SLC7A1: variants seen among roughly 807,000 people sequenced by gnomAD.
The protein encoded by SLC7A1 is high affinity cationic amino acid transporter 1.
In SLC7A1, 10 loss-of-function variants were observed where a neutral mutation model predicts 53.9. The ratio of observed to expected loss-of-function variants is 0.19; its 90% CI spans 0.11 to 0.31. SLC7A1 has a LOEUF of 0.31. SLC7A1 is among the 10% of genes least tolerant of loss of function. The pLI is 1.00. For missense variants in SLC7A1, 525 were observed against 827.2 expected, an observed-to-expected ratio of 0.63 and a Z score of 4.48; for synonymous variants, 342 against 338.7, an observed-to-expected ratio of 1.01 and a Z score of -0.11.
intron 5 of SLC7A1, among the ~76,000 whole-genome samples, chr13:29,526,902 A>G (rs1377316013): frequency 1.3e-5 from 2 of 152,166 alleles, no homozygotes; most frequent in African/African-American, 4.8e-5. Flanking sequence ...CCAACTCCAG[A>G]GCTGTGTGCA....
Position 29,513,108 on chromosome 13 carries a change from A to G in SLC7A1, c.*1372T>C, listed in dbSNP as rs1593535410. 1 of 152,090 alleles carries G rather than the reference A, an allele frequency of 6.6e-6. No individual in the cohort carries two copies. Among genetic ancestry groups the G allele is most frequent in the East Asian group, 1.9e-4 (1 of 5,158 alleles). 9.4% of individuals were successfully genotyped at this position (152,090 alleles called of 1,614,324 possible). A position where few individuals can be genotyped will look rare whatever the true frequency, so the allele number is the denominator to read the frequency against. On this transcript the variant is annotated 3_prime_UTR_variant, in exon 13 of 13. Transcript: ENST00000380752. The stretch of plus-strand genomic sequence containing the variant: ...CAGGTTTCCTCTGGCTCCCATCTAC[A>G]AGGAGTGTGTGTGAAATGGTGCTGG...
At chr13:29,532,798 G>T (rs770756632) in intron 4 of SLC7A1, 26 bp downstream of exon 4, 3 of 1,593,680 alleles carry the variant, frequency 1.9e-6, no homozygotes, top group Non-Finnish European at 1.7e-6. Context: ...ACTCTGACCC[G>T]ATCTCTTTTT....
intron 1 of SLC7A1, among the ~76,000 whole-genome samples, chr13:29,562,791 A>G (rs180982678): frequency 2.3e-3 from 354 of 152,356 alleles, no homozygotes; most frequent in Non-Finnish European, 4.2e-3. Context: ...CAATCTATAT[A>G]ATATTTGTGG....
chr13:29,557,005 A>C (rs979783956), intron 1 of SLC7A1, among the ~76,000 whole-genome samples: 2 of 152,278 alleles, frequency 1.3e-5, no homozygotes, highest in Admixed American at 1.3e-4. Flanking sequence ...ATGTTAAGCC[A>C]GGATGAACTC....
At chr13:29,543,896 G>A (rs1173416045) in intron 2 of SLC7A1, among the ~76,000 whole-genome samples, 2 of 152,136 alleles carry the variant, frequency 1.3e-5, no homozygotes, top group Non-Finnish European at 2.9e-5. Flanking sequence ...TCTACCACAG[G>A]TGCCATTCCT....
intron 9 of SLC7A1, among the ~76,000 whole-genome samples, chr13:29,519,044 C>T (rs367655461): frequency 6.6e-6 from 1 of 152,318 alleles, no homozygotes; most frequent in East Asian, 1.9e-4. Flanking sequence ...AAGCATTATG[C>T]TGAGCTGGGT....
At position 29,514,467 on chromosome 13, in the gene SLC7A1, G is replaced by T; in HGVS notation, c.*13C>A. 6.3e-7 allele frequency: 1 copy of T among 1,599,718 alleles called. No individual in the cohort carries two copies. ...TCGGGGCTGCTGCCACCTCCGGGGG[G>T]CGGGGCTGTGCGTCACTTGCACTGG... is the stretch of plus-strand genomic sequence containing the variant. On this transcript the variant is annotated 3_prime_UTR_variant, in exon 13 of 13. Transcript: ENST00000380752.
At chr13:29,555,927 C>A (rs1308908140) in intron 1 of SLC7A1, among the ~76,000 whole-genome samples, 1 of 152,122 alleles carries the variant, frequency 6.6e-6, no homozygotes, top group African/African-American at 2.4e-5. Context: ...CCTAAATGTG[C>A]AGACTGATTT....
At chr13:29,590,989 G>C (rs1207575249) in intron 1 of SLC7A1, among the ~76,000 whole-genome samples, 1 of 152,038 alleles carries the variant, frequency 6.6e-6, no homozygotes, top group East Asian at 1.9e-4. Flanking sequence ...ACACACCTAT[G>C]GTTCCAGGTA....
At chr13:29,571,006 A>G (rs922290866) in intron 1 of SLC7A1, among the ~76,000 whole-genome samples, 1 of 152,220 alleles carries the variant, frequency 6.6e-6, no homozygotes, top group Non-Finnish European at 1.5e-5. Flanking sequence ...TAACTATATT[A>G]CTATTATTAG....
At chr13:29,588,513 T>TC (rs1871981496) in intron 1 of SLC7A1, among the ~76,000 whole-genome samples, 1 of 151,036 alleles carries the variant, frequency 6.6e-6, no homozygotes, top group Admixed American at 6.6e-5. Flanking sequence ...TCTTTCTTTT[T>TC]TTTTTTTTGA....
intron 2 of SLC7A1, among the ~76,000 whole-genome samples, chr13:29,541,923 A>G (rs1258385188): frequency 6.6e-6 from 1 of 152,254 alleles, no homozygotes; most frequent in African/African-American, 2.4e-5. Flanking sequence ...GGATAAACAA[A>G]GTACATATGT....
At chr13:29,586,187 T>TA (rs1871878722) in intron 1 of SLC7A1, among the ~76,000 whole-genome samples, 1 of 152,230 alleles carries the variant, frequency 6.6e-6, no homozygotes. Flanking sequence ...ATGGGGTATG[T>TA]ATGTGTGCCA....
rs1883344024 is a variant in SLC7A1, at chr13:29,509,928, C to T, written c.*4552G>A. On this transcript the variant is annotated 3_prime_UTR_variant, in exon 13 of 13. Coordinates refer to ENST00000380752, the MANE Select transcript of SLC7A1 (RefSeq NM_003045.5). Reference sequence around the variant, plus strand: ...ACAACTTAAGCAGGAAACTTATCATCTTAAATATATATTATAACTTCTCAA... The same window carrying T: ...ACAACTTAAGCAGGAAACTTATCATTTTAAATATATATTATAACTTCTCAA... The T allele has an allele frequency of 6.6e-6, 1 of 152,574 alleles. No individual in the cohort carries two copies. Among genetic ancestry groups the T allele is most frequent in the Non-Finnish European group, 1.5e-5 (1 of 68,038 alleles). The allele number at this position is 152,574 out of a possible 1,614,324, so 9.5% of individuals were successfully genotyped here.
intron 1 of SLC7A1, among the ~76,000 whole-genome samples, chr13:29,577,119 C>T (rs1871444526): frequency 6.6e-6 from 1 of 152,234 alleles, no homozygotes; most frequent in Admixed American, 6.5e-5. Flanking sequence ...AGGTCTTTTA[C>T]TGTAGCCTGA....
intron 2 of SLC7A1, among the ~76,000 whole-genome samples, chr13:29,548,074 C>T (rs771376823): frequency 6.6e-6 from 1 of 152,178 alleles, no homozygotes; most frequent in African/African-American, 2.4e-5. Context: ...CCAAGAGTCA[C>T]GGAAGTGTAA....
At chr13:29,523,002 C>T (rs1868701303) in intron 7 of SLC7A1, among the ~76,000 whole-genome samples, 1 of 152,200 alleles carries the variant, frequency 6.6e-6, no homozygotes, top group Non-Finnish European at 1.5e-5. Context: ...GATTTAGGGA[C>T]AGAGAACCAG....
At chr13:29,584,493 G>C (rs1427415543) in intron 1 of SLC7A1, among the ~76,000 whole-genome samples, 1 of 152,110 alleles carries the variant, frequency 6.6e-6, no homozygotes, top group East Asian at 1.9e-4. Flanking sequence ...TGTAAAGTAA[G>C]CACTCTGAGT....
At chr13:29,527,271 AG>A (rs1453130331) in intron 5 of SLC7A1, among the ~76,000 whole-genome samples, 1 of 152,186 alleles carries the variant, frequency 6.6e-6, no homozygotes, top group Non-Finnish European at 1.5e-5. Context: ...TGGGGGTGGG[AG>A]ATGAGGTGGA....
Sources: allele counts gnomAD v4.1 joint callset (sites outside exome capture counted in the v4.1 genomes callset), GRCh38; gene constraint gnomAD v4.1.1; transcripts MANE v1.5; gene names NCBI Gene and HGNC (gene_info 2026-07-23, HGNC 2026-07-21).